Variants in MDGA2 observed in about 807,000 individuals in gnomAD.
The protein encoded by MDGA2 is MAM domain-containing glycosylphosphatidylinositol anchor protein 2.
In MDGA2, 40 loss-of-function variants were observed where a neutral mutation model predicts 117.8. The observed-to-expected ratio is 0.34, with a 90% CI of 0.26 to 0.44. The LOEUF (loss-of-function observed/expected upper bound fraction) is 0.44, where lower values mean the gene tolerates loss of function less well. Ranked by LOEUF, MDGA2 falls within the 20% of genes least tolerant of loss-of-function variation. The probability of loss-of-function intolerance (pLI) is 1.00; values close to 1 mark genes in which losing one functional copy is unlikely to be tolerated. For missense variants in MDGA2, 1,123 were observed against 1,250.6 expected, an observed-to-expected ratio of 0.90 and a Z score of 1.54; for synonymous variants, 452 against 439.0, an observed-to-expected ratio of 1.03 and a Z score of -0.37.
At position 47,492,774 on chromosome 14, in the gene MDGA2, C is replaced by A. The variant is rs76436768; in HGVS notation, c.280+181743G>T. On this transcript the variant is annotated intron_variant, in intron 1 of 16. Coordinates refer to ENST00000399232, the MANE Select transcript of MDGA2 (RefSeq NM_001113498.3). Reference sequence around the variant, plus strand: ...CATACAAGAAATTTTTTTTACTGTCCCAAACCCCACCCATGACCTTGCTAA... The same window carrying A: ...CATACAAGAAATTTTTTTTACTGTCACAAACCCCACCCATGACCTTGCTAA... 2.9e-3 allele frequency among the ~76,000 whole-genome samples: 441 copies of A among 151,818 alleles called. 8 individuals carry two copies. The East Asian group carries it at 0.064, about 22-fold the overall frequency.
At chr14:47,177,882 T>G (rs550656328) in intron 3 of MDGA2, among the ~76,000 whole-genome samples, 4 of 152,254 alleles carry the variant, frequency 2.6e-5, no homozygotes, top group African/African-American at 9.6e-5. Context: ...ACATAATATA[T>G]TAAACCTGCT....
chr14:47,175,228 G>T (rs1884381712), intron 3 of MDGA2, among the ~76,000 whole-genome samples: 1 of 151,592 alleles, frequency 6.6e-6, no homozygotes, highest in African/African-American at 2.4e-5. Flanking sequence ...GTACAAGGAG[G>T]AACTGGTACC....
chr14:47,130,797 C>G (rs563801848), intron 5 of MDGA2, among the ~76,000 whole-genome samples: 1 of 152,152 alleles, frequency 6.6e-6, no homozygotes, highest in East Asian at 1.9e-4. Context: ...CAAGCAGAGT[C>G]TAGACCCAGA....
intron 12 of MDGA2, among the ~76,000 whole-genome samples, chr14:46,875,431 T>C (rs1882187225): frequency 6.6e-6 from 1 of 151,824 alleles, no homozygotes; most frequent in South Asian, 2.1e-4. Context: ...TTTGTATTTA[T>C]TTATATTCTA....
intron 3 of MDGA2, among the ~76,000 whole-genome samples, chr14:47,164,837 A>G (rs1177513393): frequency 6.6e-6 from 1 of 152,190 alleles, no homozygotes; most frequent in Non-Finnish European, 1.5e-5. Context: ...AATAGCAAAG[A>G]CTGGGAACCA....
chr14:47,269,503 T>C (rs1202160984), intron 2 of MDGA2, among the ~76,000 whole-genome samples: 2 of 152,194 alleles, frequency 1.3e-5, no homozygotes, highest in Non-Finnish European at 2.9e-5. Context: ...TAATAACTCA[T>C]TCTAATCAGC....
intron 3 of MDGA2, among the ~76,000 whole-genome samples, chr14:47,185,665 C>T (rs562865956): frequency 6.6e-6 from 1 of 151,652 alleles, no homozygotes; most frequent in South Asian, 2.1e-4. Flanking sequence ...TTTCATGCGG[C>T]TAACATAATC....
chr14:47,225,669 G>A (rs573351528), intron 2 of MDGA2, among the ~76,000 whole-genome samples: 2 of 151,696 alleles, frequency 1.3e-5, no homozygotes, highest in South Asian at 4.2e-4. Context: ...TTGTGGGGTG[G>A]GGGGAGTGGG....
Position 47,135,715 on chromosome 14 carries a change from A to T in MDGA2, c.793-3869T>A, listed in dbSNP as rs933446392. Among the ~76,000 whole-genome samples the T allele has an allele frequency of 2.6e-5, 4 of 151,888 alleles. 1 individual carries two copies. The highest frequency in any genetic ancestry group is 5.9e-5 in the Non-Finnish European group (4 of 67,980). On this transcript the variant is annotated intron_variant, in intron 4 of 16. Transcript: ENST00000399232. Reference sequence around the variant, plus strand: ...AAAAACCGTTAGTTTGTCATTTGAGACTCTATGCAGTCTAAGCAAAACACT... The same window carrying T: ...AAAAACCGTTAGTTTGTCATTTGAGTCTCTATGCAGTCTAAGCAAAACACT...
intron 5 of MDGA2, among the ~76,000 whole-genome samples, chr14:47,117,183 A>C (rs563190860): frequency 6.6e-6 from 1 of 152,304 alleles, no homozygotes; most frequent in South Asian, 2.1e-4. Flanking sequence ...ATCATAAAGG[A>C]AATGCAAATC....
At chr14:47,670,859 A>C (rs1898061760) in intron 1 of MDGA2, among the ~76,000 whole-genome samples, 1 of 152,140 alleles carries the variant, frequency 6.6e-6, no homozygotes, top group Non-Finnish European at 1.5e-5. Context: ...AAATCCAATA[A>C]GCAAAAATCT....
chr14:47,306,899 G>A (rs1214885204), intron 1 of MDGA2, among the ~76,000 whole-genome samples: 1 of 151,828 alleles, frequency 6.6e-6, no homozygotes, highest in Admixed American at 6.6e-5. Flanking sequence ...CAGACAGACA[G>A]CCTATACCTT....
intron 9 of MDGA2, among the ~76,000 whole-genome samples, chr14:46,931,673 C>T (rs1251447356): frequency 6.6e-6 from 1 of 151,928 alleles, no homozygotes; most frequent in Non-Finnish European, 1.5e-5. Context: ...GAGGCATGAG[C>T]CACCACACTC....
At chr14:47,356,799 C>G (rs1393505745) in intron 1 of MDGA2, among the ~76,000 whole-genome samples, 1 of 152,120 alleles carries the variant, frequency 6.6e-6, no homozygotes, top group Non-Finnish European at 1.5e-5. Flanking sequence ...TGCCTTTGAC[C>G]TCACTAAACT....
intron 2 of MDGA2, among the ~76,000 whole-genome samples, chr14:47,255,938 C>A (rs778474192): frequency 3.9e-5 from 6 of 151,936 alleles, no homozygotes; most frequent in Non-Finnish European, 8.8e-5. Context: ...TCTTTTGAGA[C>A]TTTTACATAA....
chr14:47,466,805 A>G (rs1341753458), intron 1 of MDGA2, among the ~76,000 whole-genome samples: 1 of 151,770 alleles, frequency 6.6e-6, no homozygotes, highest in Non-Finnish European at 1.5e-5. Context: ...TTGATAATAT[A>G]TTACTCTCAT....
intron 1 of MDGA2, among the ~76,000 whole-genome samples, chr14:47,616,131 A>T (rs1896945161): frequency 6.6e-6 from 1 of 152,160 alleles, no homozygotes; most frequent in African/African-American, 2.4e-5. Flanking sequence ...TAACTAAAAT[A>T]CATTTGACTC....
At chr14:47,114,253 A>G (rs1049264430) in intron 5 of MDGA2, among the ~76,000 whole-genome samples, 9 of 152,210 alleles carry the variant, frequency 5.9e-5, no homozygotes, top group African/African-American at 7.2e-5. Flanking sequence ...ACTACAAACC[A>G]CTGTTCAAGG....
chr14:47,563,131 T>C (rs752821505), intron 1 of MDGA2, among the ~76,000 whole-genome samples: 1 of 152,140 alleles, frequency 6.6e-6, no homozygotes, highest in African/African-American at 2.4e-5. Context: ...TAAAAAAAAA[T>C]TTCTGAGGAT....
Sources: allele counts gnomAD v4.1 joint callset (sites outside exome capture counted in the v4.1 genomes callset), GRCh38; gene constraint gnomAD v4.1.1; transcripts MANE v1.5; gene names NCBI Gene and HGNC (gene_info 2026-07-23, HGNC 2026-07-21).